Variants in CDC42BPA observed in about 807,000 individuals in gnomAD.
CDC42BPA encodes the protein CDC42 binding protein kinase alpha.
A neutral mutation model predicts 223.5 loss-of-function variants in CDC42BPA; 80 were observed. The ratio of observed to expected loss-of-function variants is 0.36; its 90% CI spans 0.30 to 0.43. The LOEUF is 0.43. CDC42BPA is among the 20% of genes least tolerant of loss of function. The pLI is 1.00. For missense variants in CDC42BPA, 1,743 were observed against 2,099.9 expected (o/e 0.83, Z 3.32); for synonymous variants, 694 against 718.6 (o/e 0.97, Z 0.55).
intron 16 of CDC42BPA, among the ~76,000 whole-genome samples, chr1:227,087,156 C>T (rs540028801): frequency 1.3e-5 from 2 of 152,082 alleles, no homozygotes; most frequent in East Asian, 3.9e-4. Context: ...ACATTTTTAA[C>T]CCTGAATCAC....
intron 1 of CDC42BPA, among the ~76,000 whole-genome samples, chr1:227,293,095 C>T (rs972904439): frequency 2.0e-5 from 3 of 152,088 alleles, no homozygotes; most frequent in African/African-American, 7.2e-5. Flanking sequence ...TGCTTAACTC[C>T]GTTGTTCACT....
chr1:227,258,660 A>T (rs1683523619), intron 1 of CDC42BPA, among the ~76,000 whole-genome samples: 1 of 151,016 alleles, frequency 6.6e-6, no homozygotes, highest in African/African-American at 2.5e-5. Flanking sequence ...AGAATCATGT[A>T]TCAATTACTT....
intron 1 of CDC42BPA, among the ~76,000 whole-genome samples, chr1:227,290,093 A>G (rs990996445): frequency 2.0e-5 from 3 of 152,144 alleles, no homozygotes; most frequent in Non-Finnish European, 4.4e-5. Context: ...CATAGAGTCA[A>G]ATTCAAATTA....
intron 1 of CDC42BPA, among the ~76,000 whole-genome samples, chr1:227,309,711 T>G (rs1445977026): frequency 6.6e-6 from 1 of 152,088 alleles, no homozygotes; most frequent in Non-Finnish European, 1.5e-5. Flanking sequence ...AAGTGACAAT[T>G]TCTGTATTTA....
intron 23 of CDC42BPA, among the ~76,000 whole-genome samples, chr1:227,046,754 G>GT (rs1672532050): frequency 6.6e-6 from 1 of 152,104 alleles, no homozygotes; most frequent in Non-Finnish European, 1.5e-5. Context: ...TATGGGAACA[G>GT]TATTTCCTGA....
rs569974775 is a variant in CDC42BPA, at chr1:227,032,101, T to C, written c.3559-587A>G. 2.6e-5 allele frequency among the ~76,000 whole-genome samples: 4 copies of C among 152,330 alleles called. No individual in the cohort carries two copies. The South Asian group carries it at 8.3e-4, about 32-fold the overall frequency. ...TATATTCTCTGTTACTTCACAACAA[T>C]AACTCGCATTATCATTAAGATTTGA... On this transcript the variant is annotated intron_variant, in intron 27 of 36. Transcript: ENST00000366766.
intron 1 of CDC42BPA, among the ~76,000 whole-genome samples, chr1:227,265,868 T>C (rs749671128): frequency 2.0e-5 from 3 of 152,156 alleles, no homozygotes; most frequent in East Asian, 1.9e-4. Context: ...CTAACACTTA[T>C]AAGCATTCAG....
At chr1:227,196,338 C>CTTTTTTT (rs34352900) in intron 4 of CDC42BPA, among the ~76,000 whole-genome samples, 13,966 of 92,114 alleles carry the variant, frequency 0.15, 2,393 homozygotes, top group Non-Finnish European at 0.16. Context: ...TTAAACAATA[C>CTTTTTTT]TTTTTTTTTT....
At chr1:227,212,875 A>G (rs1674176614) in intron 3 of CDC42BPA, among the ~76,000 whole-genome samples, 1 of 152,212 alleles carries the variant, frequency 6.6e-6, no homozygotes, top group Admixed American at 6.5e-5. Context: ...AGTAGTTTGC[A>G]GACATCCTTT....
chr1:227,029,875 T>G (rs1285379835), intron 29 of CDC42BPA, among the ~76,000 whole-genome samples: 1 of 152,068 alleles, frequency 6.6e-6, no homozygotes, highest in Non-Finnish European at 1.5e-5. Context: ...TGGCTCATGC[T>G]TATAATCTCA....
In CDC42BPA at chr1:227,317,894, C is replaced by T. The variant is rs1273600213; in HGVS notation, c.-712G>A. On this transcript the variant is annotated 5_prime_UTR_variant, in exon 1 of 37. Transcript: ENST00000366766. ...AAGGCTTTGCAGTCAGTCCTATTTTCAACGGATTCCGGTGAAAACTCTTCA... is the reference window on the plus strand; with the variant it reads ...AAGGCTTTGCAGTCAGTCCTATTTTTAACGGATTCCGGTGAAAACTCTTCA... The T allele has an allele frequency of 1.3e-5, 5 of 398,540 alleles. No homozygotes were observed. The highest frequency in any genetic ancestry group is 1.0e-4 in the African/African-American group (5 of 48,648). The allele number at this position is 398,540 out of a possible 1,614,324, so 24.7% of individuals were successfully genotyped here.
chr1:227,271,556 TGATA>T (rs1272777711), intron 1 of CDC42BPA, among the ~76,000 whole-genome samples: 3 of 152,114 alleles, frequency 2.0e-5, no homozygotes, highest in Non-Finnish European at 2.9e-5. Flanking sequence ...CTCTGATGGC[TGATA>T]GATATATTCT....
intron 16 of CDC42BPA, among the ~76,000 whole-genome samples, chr1:227,088,116 G>A (rs971121825): frequency 5.9e-5 from 9 of 152,180 alleles, no homozygotes; most frequent in South Asian, 2.1e-4. Context: ...CATGGACTCC[G>A]GAGCCCGACT....
intron 12 of CDC42BPA, among the ~76,000 whole-genome samples, chr1:227,114,080 T>TCAC (rs1477673281): frequency 6.7e-6 from 1 of 149,676 alleles, no homozygotes; most frequent in Non-Finnish European, 1.5e-5. Flanking sequence ...CATGCATCCA[T>TCAC]CACCACAGGA....
intron 34 of CDC42BPA, among the ~76,000 whole-genome samples, chr1:227,007,549 G>C (rs1350121869): frequency 6.6e-6 from 1 of 152,138 alleles, no homozygotes; most frequent in Non-Finnish European, 1.5e-5. Context: ...TGATGATACT[G>C]TATCATGCTA....
At chr1:227,241,212 A>G (rs961399034) in intron 2 of CDC42BPA, among the ~76,000 whole-genome samples, 5 of 152,092 alleles carry the variant, frequency 3.3e-5, no homozygotes, top group African/African-American at 1.2e-4. Context: ...TATTAACAAC[A>G]AAAAATATTA....
At chr1:227,078,108 T>C (rs1029575823) in intron 17 of CDC42BPA, among the ~76,000 whole-genome samples, 2 of 152,172 alleles carry the variant, frequency 1.3e-5, no homozygotes, top group Non-Finnish European at 2.9e-5. Flanking sequence ...TTATTACTCT[T>C]ATTTCCTACT....
chr1:227,021,907 C>A (rs1386214086), intron 32 of CDC42BPA, among the ~76,000 whole-genome samples: 1 of 151,900 alleles, frequency 6.6e-6, no homozygotes, highest in Non-Finnish European at 1.5e-5. Flanking sequence ...GTAATCCCAG[C>A]TACTCAGGAG....
At chr1:227,147,127 T>G (rs530267695) in intron 7 of CDC42BPA, among the ~76,000 whole-genome samples, 1 of 152,274 alleles carries the variant, frequency 6.6e-6, no homozygotes, top group Admixed American at 6.5e-5. Flanking sequence ...GTTATTCTAC[T>G]GGGGAGACCA....
Sources: allele counts gnomAD v4.1 joint callset (sites outside exome capture counted in the v4.1 genomes callset), GRCh38; gene constraint gnomAD v4.1.1; transcripts MANE v1.5; gene names NCBI Gene and HGNC (gene_info 2026-07-23, HGNC 2026-07-21).